The following HMOX2 variants were observed in gnomAD, a reference collection of about 807,000 sequenced individuals.
HMOX2 encodes heme oxygenase (decycling) 2.
HMOX2 carries 30 observed loss-of-function variants against 33.7 expected under a neutral mutation model. The ratio of observed to expected loss-of-function variants is 0.89; its 90% CI spans 0.67 to 1.21. The LOEUF is 1.21. Ranked by LOEUF, HMOX2 falls within the 50% of genes most tolerant of loss-of-function variation. The pLI, the probability that HMOX2 is intolerant of heterozygous loss-of-function variation, is 0.00. For synonymous variants in HMOX2, 155 were observed against 155.0 expected (o/e 1.00, Z 0.00); for missense variants, 403 against 399.1 (o/e 1.01, Z -0.08).
chr16:4,482,930 T>C (rs2058066848), intron 1 of HMOX2, among the ~76,000 whole-genome samples: 1 of 151,910 alleles, frequency 6.6e-6, no homozygotes, highest in Admixed American at 6.6e-5. Context: ...CTAGGGAGGC[T>C]GAGGCAGGAA....
chr16:4,489,524 G>A (rs1047731795), intron 1 of HMOX2, among the ~76,000 whole-genome samples: 2 of 152,116 alleles, frequency 1.3e-5, no homozygotes, highest in African/African-American at 4.8e-5. Context: ...CAGTGGCACG[G>A]TCTTGGCTCA....
chr16:4,493,425 T>G (rs2141565187), intron 1 of HMOX2, among the ~76,000 whole-genome samples: 1 of 152,362 alleles, frequency 6.6e-6, no homozygotes, highest in Non-Finnish European at 1.5e-5. Flanking sequence ...CACAGTTTTA[T>G]AACTCATTTA....
Position 4,509,404 on chromosome 16 carries a change from T to C in HMOX2, c.697-8T>C. On this transcript the variant is annotated splice_polypyrimidine_tract_variant and splice_region_variant and intron_variant, in intron 4 of 5. Coordinates refer to ENST00000570646, the MANE Select transcript of HMOX2 (RefSeq NM_002134.4). ...AAAGATGGCTCAGTCGATCCTCTGC[T>C]CCTGCAGATATTCAATGAACTGGAC... 6.2e-7 allele frequency: 1 copy of C among 1,612,348 alleles called. No individual in the cohort carries two copies. Among genetic ancestry groups the C allele is most frequent in the African/African-American group, 1.3e-5 (1 of 74,484 alleles).
At chr16:4,476,957 T>G (rs1015095645) in intron 1 of HMOX2, among the ~76,000 whole-genome samples, 2 of 152,138 alleles carry the variant, frequency 1.3e-5, no homozygotes, top group African/African-American at 4.8e-5. Flanking sequence ...GCTCTGCCCT[T>G]CCTCTAATGC....
upstream of HMOX2, among the ~76,000 whole-genome samples, chr16:4,475,697 G>C (rs1033197958): frequency 4.6e-5 from 7 of 151,966 alleles, no homozygotes; most frequent in African/African-American, 1.7e-4. Flanking sequence ...CAGTGATTTG[G>C]GAGGCCGAGG....
chr16:4,475,449 A>C (rs999023391), upstream of HMOX2, among the ~76,000 whole-genome samples: 1 of 151,738 alleles, frequency 6.6e-6, no homozygotes, highest in African/African-American at 2.4e-5. Flanking sequence ...CTGGGATTAC[A>C]GGCAGGAGCC....
chr16:4,507,050 G>T (rs917711821), intron 3 of HMOX2, 38 bp downstream of exon 3: 25 of 1,349,456 alleles, frequency 1.9e-5, no homozygotes, highest in Middle Eastern at 1.8e-4. Context: ...TGTCATATGG[G>T]GTTGGGGTGG....
At position 4,503,134 on chromosome 16, in the gene HMOX2, C is replaced by CA. The variant is rs75450029; in HGVS notation, c.-41-2338dup. On this transcript the variant is annotated intron_variant, in intron 1 of 5. Transcript: ENST00000570646. ...CCGGCTAGCAAAGCTGTACTTTTAC[C>CA]AAAAAAAAAAAAGAAAACATTTATA... Among the ~76,000 whole-genome samples the CA allele has an allele frequency of 2.6e-3, 366 of 141,258 alleles. 1 individual carries two copies. Among genetic ancestry groups the CA allele is most frequent in the Admixed American group, 3.9e-3 (55 of 14,106 alleles). The allele number at this position is 141,258 out of a possible 152,430, so 92.7% of individuals were successfully genotyped here.
intron 2 of HMOX2, 39 bp from the exon 3 acceptor site, chr16:4,506,856 G>T (rs199951294): frequency 7.0e-7 from 1 of 1,425,586 alleles, no homozygotes; most frequent in South Asian, 1.1e-5. Context: ...AAGCTGGGAA[G>T]GGCTAATTGA....
At chr16:4,506,336 C>T (rs1034650923) in intron 2 of HMOX2, among the ~76,000 whole-genome samples, 4 of 152,124 alleles carry the variant, frequency 2.6e-5, no homozygotes, top group African/African-American at 4.8e-5. Flanking sequence ...ACAAACCCAG[C>T]GTCCTGGCCC....
chr16:4,492,511 A>G (rs1009570582), intron 1 of HMOX2, among the ~76,000 whole-genome samples: 5 of 150,358 alleles, frequency 3.3e-5, no homozygotes, highest in African/African-American at 1.2e-4. Flanking sequence ...CGAGGTCAAG[A>G]GATCGAGACC....
chr16:4,487,452 C>T (rs961086629), intron 1 of HMOX2, among the ~76,000 whole-genome samples: 1 of 152,010 alleles, frequency 6.6e-6, no homozygotes, highest in Non-Finnish European at 1.5e-5. Context: ...GGGCGGATCA[C>T]CTGAGGTTGG....
chr16:4,505,022 A>T (rs1291184685), intron 1 of HMOX2, among the ~76,000 whole-genome samples: 1 of 151,526 alleles, frequency 6.6e-6, no homozygotes, highest in Non-Finnish European at 1.5e-5. Flanking sequence ...TAGTACAAAG[A>T]ACTCTCATAC....
chr16:4,476,989 C>T (rs1202447296), intron 1 of HMOX2, among the ~76,000 whole-genome samples: 1 of 152,148 alleles, frequency 6.6e-6, no homozygotes, highest in Non-Finnish European at 1.5e-5. Flanking sequence ...TAGGAAGTGC[C>T]CCTTGAGTGG....
intron 1 of HMOX2, among the ~76,000 whole-genome samples, chr16:4,485,306 T>A (rs4785968): frequency 0.67 from 102,366 of 151,958 alleles, 34,964 homozygotes; most frequent in Non-Finnish European, 0.73. Flanking sequence ...TTGAATCCAC[T>A]GATGCAGAGC....
chr16:4,503,220 C>T (rs948806813), intron 1 of HMOX2, among the ~76,000 whole-genome samples: 4 of 152,084 alleles, frequency 2.6e-5, no homozygotes, highest in Non-Finnish European at 4.4e-5. Context: ...TGTTTTTGCC[C>T]CTTGGTAAGT....
At chr16:4,481,348 CAAAAA>C (rs60035479) in intron 1 of HMOX2, among the ~76,000 whole-genome samples, 1 of 114,058 alleles carries the variant, frequency 8.8e-6, no homozygotes, top group Non-Finnish European at 1.8e-5. Flanking sequence ...GACTCCGTCT[CAAAAA>C]AAAAAAAAAA....
rs1441505624 is a variant in HMOX2, at chr16:4,508,185, C to G, written c.677C>G (p.Ala226Gly). The change falls in exon 4 of 6, where the codon GCT becomes GGT. Residue 226 changes from alanine to glycine, a missense_variant. Ala to Gly is a moderately conservative substitution (Grantham distance 60). Transcript: ENST00000570646. ...KERIVEEANK[A>G]FEYNMQIFNE... ...AGGATCGTGGAGGAGGCCAACAAGGCTTTTGAGTATAACATGCAGGTACTA... is the reference window on the plus strand; with the variant it reads ...AGGATCGTGGAGGAGGCCAACAAGGGTTTTGAGTATAACATGCAGGTACTA... 2 of 1,609,940 alleles carry G rather than the reference C, an allele frequency of 1.2e-6. No individual in the cohort carries two copies. The highest frequency in any genetic ancestry group is 4.5e-5 in the East Asian group (2 of 44,864).
intron 1 of HMOX2, among the ~76,000 whole-genome samples, chr16:4,504,726 G>C (rs1195652847): frequency 1.5e-5 from 1 of 66,412 alleles, no homozygotes; most frequent in African/African-American, 6.2e-5. Context: ...TTTCGCTCTT[G>C]TTGCCCAGGC....
Sources: gnomAD v4.1 joint callset for allele counts (sites outside exome capture counted in the v4.1 genomes callset) on GRCh38, gnomAD v4.1.1 for gene constraint, MANE v1.5 for transcripts, NCBI Gene and HGNC (gene_info 2026-07-23, HGNC 2026-07-21) for gene names.